The following ZDHHC7 variants were observed in gnomAD, a reference collection of about 807,000 sequenced individuals.
ZDHHC7 encodes zDHHC palmitoyltransferase 7, also known as palmitoyltransferase ZDHHC7.
A neutral mutation model predicts 34.1 loss-of-function variants in ZDHHC7; 12 were observed. The ratio of observed to expected loss-of-function variants is 0.35; its 90% CI spans 0.23 to 0.57. The LOEUF (loss-of-function observed/expected upper bound fraction) is 0.57, where lower values mean the gene tolerates loss of function less well. Ranked by LOEUF, ZDHHC7 falls within the 20% of genes least tolerant of loss-of-function variation. The pLI is 0.84. For synonymous variants in ZDHHC7, 185 were observed against 155.4 expected, an observed-to-expected ratio of 1.19 and a Z score of -1.42; for missense variants, 388 against 402.7, an observed-to-expected ratio of 0.96 and a Z score of 0.31.
At chr16:85,004,782 C>T (rs950974706) in intron 1 of ZDHHC7, 2 of 152,204 alleles carry the variant, frequency 1.3e-5, no homozygotes, top group African/African-American at 2.4e-5. Flanking sequence ...CACAGGCAAA[C>T]GACAGGGGCG....
chr16:85,027,347 C>A, the ZDHHC7 span, among the ~76,000 whole-genome samples: 2 of 152,074 alleles, frequency 1.3e-5, no homozygotes, highest in African/African-American at 2.4e-5. Flanking sequence ...CATGCCTTCG[C>A]CGTAACTAGG....
chr16:85,023,353 C>G, the ZDHHC7 span, among the ~76,000 whole-genome samples: 1 of 151,984 alleles, frequency 6.6e-6, no homozygotes. Context: ...TTAGTAGAGA[C>G]AGGGTTTCAC....
At chr16:85,009,656 A>G (rs542742654) in intron 1 of ZDHHC7, among the ~76,000 whole-genome samples, 92 of 151,880 alleles carry the variant, frequency 6.1e-4, no homozygotes, top group African/African-American at 2.1e-3. Flanking sequence ...GTTCCATTCC[A>G]TATTTCAAAT....
At position 84,981,690 on chromosome 16, in the gene ZDHHC7, G is replaced by A. The variant is rs760342982; in HGVS notation, c.440+180C>T. 5.9e-5 allele frequency among the ~76,000 whole-genome samples: 9 copies of A among 152,334 alleles called. No homozygotes were observed. In the South Asian group the frequency reaches 8.3e-4, roughly 14 times the overall value. On this transcript the variant is annotated intron_variant, in intron 4 of 7. Transcript: ENST00000313732. ...GCTCCCAAAAAGACTCTAGGGCACC[G>A]GCCCTTTACTCAGCTCCCTACCCCA...
At chr16:85,007,080 G>C (rs1330581828) in intron 1 of ZDHHC7, among the ~76,000 whole-genome samples, 1 of 134,134 alleles carries the variant, frequency 7.5e-6, no homozygotes, top group Non-Finnish European at 1.6e-5. Context: ...CCCATATGGA[G>C]TCTGGGTTTG....
intron 5 of ZDHHC7, among the ~76,000 whole-genome samples, chr16:84,978,290 T>C (rs8046147): frequency 6.6e-6 from 1 of 152,296 alleles, no homozygotes; most frequent in South Asian, 2.1e-4. Flanking sequence ...AGCCAGTTAG[T>C]AACTTAAACA....
intron 2 of ZDHHC7, among the ~76,000 whole-genome samples, chr16:84,991,416 G>C (rs551393710): frequency 1.3e-5 from 2 of 151,992 alleles, no homozygotes; most frequent in African/African-American, 2.4e-5. Context: ...CTCCCGAGTA[G>C]CTGGGATTAC....
chr16:85,015,314 T>G (rs544439156), upstream of ZDHHC7, among the ~76,000 whole-genome samples: 2 of 152,070 alleles, frequency 1.3e-5, no homozygotes, highest in Non-Finnish European at 1.5e-5. Context: ...TTGGCCAGGC[T>G]GGTCTCGAAC....
intron 1 of ZDHHC7, among the ~76,000 whole-genome samples, chr16:85,001,774 G>C (rs1041909318): frequency 5.3e-5 from 8 of 152,146 alleles, no homozygotes; most frequent in Non-Finnish European, 1.0e-4. Flanking sequence ...ATGGGATCTT[G>C]CTAGTTGCCC....
the ZDHHC7 span, among the ~76,000 whole-genome samples, chr16:85,021,409 CA>C: frequency 9.2e-4 from 79 of 85,464 alleles, no homozygotes; most frequent in Admixed American, 1.2e-3. Flanking sequence ...AGACTCCATC[CA>C]AAAAAAAAAA....
intron 1 of ZDHHC7, among the ~76,000 whole-genome samples, chr16:85,003,417 C>G (rs2072677840): frequency 6.6e-6 from 1 of 152,336 alleles, no homozygotes; most frequent in South Asian, 2.1e-4. Flanking sequence ...AAAAGGAGCG[C>G]AGCACTCAGC....
At chr16:85,015,555 A>G (rs2072830742), upstream of ZDHHC7, among the ~76,000 whole-genome samples, 1 of 152,198 alleles carries the variant, frequency 6.6e-6, no homozygotes, top group African/African-American at 2.4e-5. Context: ...AATATGTCAA[A>G]TAAATATACT....
Position 84,978,008 on chromosome 16 carries a change from A to C in ZDHHC7, c.538-3T>G. 2 of 1,602,704 alleles carry C rather than the reference A, an allele frequency of 1.2e-6. No individual in the cohort carries two copies. Among genetic ancestry groups the C allele is most frequent in the Non-Finnish European group, 1.7e-6 (2 of 1,172,844 alleles). ...ACTGAAGACAGAGCTATATACATCT[A>C]GAATGAGGGGGAGATTGGTTAGTCA... On this transcript the variant is annotated splice_region_variant and splice_polypyrimidine_tract_variant and intron_variant, in intron 5 of 7. Coordinates refer to ENST00000313732, the MANE Select transcript of ZDHHC7 (RefSeq NM_017740.3).
Position 84,998,945 on chromosome 16 carries a change from G to C in ZDHHC7, c.-103-2938C>G, listed in dbSNP as rs539509178. On this transcript the variant is annotated intron_variant, in intron 1 of 7. Coordinates refer to ENST00000313732, the MANE Select transcript of ZDHHC7 (RefSeq NM_017740.3). ...ATTTTTTGTATTTTTAGTAGAAACA[G>C]GGTTTCACCATGTTAGCCAGGCTGG... Among the ~76,000 whole-genome samples the C allele has an allele frequency of 3.9e-5, 6 of 152,130 alleles. 1 individual carries two copies. Among genetic ancestry groups the C allele is most frequent in the African/African-American group, 1.2e-4 (5 of 41,504 alleles).
chr16:85,000,556 C>T (rs1190297115), intron 1 of ZDHHC7, among the ~76,000 whole-genome samples: 1 of 152,180 alleles, frequency 6.6e-6, no homozygotes, highest in Admixed American at 6.5e-5. Context: ...ACCCTAGAGT[C>T]TGGTATCCAT....
intron 3 of ZDHHC7, 62 bp downstream of exon 3, chr16:84,990,242 C>A (rs1289583096): frequency 6.4e-7 from 1 of 1,562,448 alleles, no homozygotes; most frequent in Admixed American, 1.8e-5. Flanking sequence ...AAAGGGTCAG[C>A]CACACCCGAG....
intron 2 of ZDHHC7, among the ~76,000 whole-genome samples, chr16:84,992,693 C>T (rs2072527139): frequency 1.3e-5 from 2 of 152,080 alleles, no homozygotes; most frequent in Non-Finnish European, 2.9e-5. Context: ...AGAGCAGGAG[C>T]GCTCCTCATA....
chr16:85,016,363 A>G (rs1484195997), upstream of ZDHHC7, among the ~76,000 whole-genome samples: 1 of 151,886 alleles, frequency 6.6e-6, no homozygotes, highest in East Asian at 1.9e-4. Context: ...ATGTTCTTTT[A>G]TATTTGCATT....
intron 4 of ZDHHC7, among the ~76,000 whole-genome samples, chr16:84,980,849 A>C (rs1475186932): frequency 6.6e-6 from 1 of 152,156 alleles, no homozygotes; most frequent in African/African-American, 2.4e-5. Context: ...ACCCCAGCCC[A>C]AAACAGCCAC....
Sources: gnomAD v4.1 joint callset for allele counts (sites outside exome capture counted in the v4.1 genomes callset) on GRCh38, gnomAD v4.1.1 for gene constraint, MANE v1.5 for transcripts, NCBI Gene and HGNC (gene_info 2026-07-23, HGNC 2026-07-21) for gene names.